SMG6: variants seen among roughly 807,000 people sequenced by gnomAD.
SMG6 encodes the protein SMG6 nonsense mediated mRNA decay factor, also known as telomerase-binding protein EST1A.
In SMG6, 66 loss-of-function variants were observed where a neutral mutation model predicts 142.2. The observed-to-expected ratio is 0.46, with a 90% CI of 0.38 to 0.57. The LOEUF (loss-of-function observed/expected upper bound fraction) is 0.57. SMG6 is among the 20% of genes least tolerant of loss of function. SMG6 has a pLI of 0.00. For synonymous variants in SMG6, 779 were observed against 702.4 expected, an observed-to-expected ratio of 1.11 and a Z score of -1.72; for missense variants, 1,793 against 1,832.0, an observed-to-expected ratio of 0.98 and a Z score of 0.39.
At chr17:2,196,331 A>G (rs1207869942) in intron 10 of SMG6, among the ~76,000 whole-genome samples, 1 of 152,152 alleles carries the variant, frequency 6.6e-6, no homozygotes, top group Non-Finnish European at 1.5e-5. Context: ...CTGAGGCAGG[A>G]GCAGGGGAAT....
intron 13 of SMG6, among the ~76,000 whole-genome samples, chr17:2,126,620 G>C (rs959987201): frequency 6.6e-6 from 1 of 150,912 alleles, no homozygotes; most frequent in East Asian, 2.0e-4. Flanking sequence ...GAAAGGCGGG[G>C]CACAAGAATC....
chr17:2,227,862 C>T (rs1185647284), intron 10 of SMG6, among the ~76,000 whole-genome samples: 2 of 152,012 alleles, frequency 1.3e-5, no homozygotes, highest in Non-Finnish European at 2.9e-5. Flanking sequence ...ACCGAAATGC[C>T]CATCAATGGA....
intron 13 of SMG6, among the ~76,000 whole-genome samples, chr17:2,098,096 C>T (rs1202394952): frequency 6.6e-6 from 1 of 152,112 alleles, no homozygotes; most frequent in East Asian, 1.9e-4. Context: ...TCAGGTGATC[C>T]TTCCGCCTCA....
chr17:2,154,506 A>G (rs1232321535), intron 13 of SMG6, among the ~76,000 whole-genome samples: 1 of 152,166 alleles, frequency 6.6e-6, no homozygotes. Flanking sequence ...GAGACAATAC[A>G]ACCTTCTTTA....
intron 6 of SMG6, among the ~76,000 whole-genome samples, chr17:2,290,737 A>C (rs776534174): frequency 6.6e-6 from 1 of 152,268 alleles, no homozygotes; most frequent in Non-Finnish European, 1.5e-5. Flanking sequence ...AAATATATAA[A>C]GAACTCTTAA....
chr17:2,236,728 C>G, intron 9 of SMG6, 91 bp from the exon 10 acceptor site: 1 of 1,358,888 alleles, frequency 7.4e-7, no homozygotes, highest in Non-Finnish European at 9.7e-7. Context: ...CACACACACA[C>G]ACACACACAC....
chr17:2,189,124 T>C lies in SMG6; in HGVS notation c.2870-609A>G, dbSNP rs1597558823. On this transcript the variant is annotated intron_variant, in intron 10 of 18. Coordinates refer to ENST00000263073, the MANE Select transcript of SMG6 (RefSeq NM_017575.5). ...TTTATGCAGAACAGTGCTTGGCACA[T>C]AATAAGCACTTAATCAGTGTTGGCT... is the stretch of plus-strand genomic sequence containing the variant. 3.3e-5 allele frequency among the ~76,000 whole-genome samples: 5 copies of C among 152,338 alleles called. No homozygotes were observed. The South Asian group carries it at 8.3e-4, about 25-fold the overall frequency.
intron 10 of SMG6, chr17:2,199,907 A>G (rs1041903871): frequency 6.6e-6 from 1 of 151,864 alleles, no homozygotes; most frequent in Non-Finnish European, 1.5e-5. Context: ...ATTCTGTCTC[A>G]AAAAACAAAG....
At chr17:2,136,026 G>C (rs1032206902) in intron 13 of SMG6, among the ~76,000 whole-genome samples, 1 of 149,824 alleles carries the variant, frequency 6.7e-6, no homozygotes, top group African/African-American at 2.5e-5. Context: ...GTGTGTGTGT[G>C]TGTGTGTGTG....
intron 10 of SMG6, among the ~76,000 whole-genome samples, chr17:2,235,303 G>C (rs1223591225): frequency 1.3e-5 from 2 of 152,182 alleles, no homozygotes; most frequent in Non-Finnish European, 2.9e-5. Context: ...GGCAGCATGA[G>C]AGGAGGAAAT....
chr17:2,169,799 T>C (rs2071448363), intron 13 of SMG6, among the ~76,000 whole-genome samples: 1 of 152,010 alleles, frequency 6.6e-6, no homozygotes, highest in South Asian at 2.1e-4. Context: ...TCAGAAGGTT[T>C]TGAACTAAGA....
intron 13 of SMG6, among the ~76,000 whole-genome samples, chr17:2,106,222 CTT>C (rs2069151449): frequency 6.6e-6 from 1 of 152,160 alleles, no homozygotes; most frequent in Non-Finnish European, 1.5e-5. Context: ...CACTTTTCTT[CTT>C]GTCTCTTTTC....
intron 13 of SMG6, among the ~76,000 whole-genome samples, chr17:2,128,842 A>C (rs2070000482): frequency 2.0e-5 from 3 of 150,600 alleles, no homozygotes; most frequent in South Asian, 4.2e-4. Flanking sequence ...AAAGAGAGAG[A>C]GAGAAAGAAA....
intron 9 of SMG6, among the ~76,000 whole-genome samples, chr17:2,241,503 A>AT (rs1400631685): frequency 6.6e-6 from 1 of 152,178 alleles, no homozygotes; most frequent in African/African-American, 2.4e-5. Flanking sequence ...GTTTTTCAAA[A>AT]TTAATTTTTC....
At chr17:2,202,179 C>T (rs2072548621) in intron 10 of SMG6, among the ~76,000 whole-genome samples, 1 of 152,172 alleles carries the variant, frequency 6.6e-6, no homozygotes, top group Non-Finnish European at 1.5e-5. Flanking sequence ...AAATATCCAT[C>T]AACAAGTGAA....
intron 8 of SMG6, among the ~76,000 whole-genome samples, chr17:2,257,673 G>A (rs565067731): frequency 5.7e-4 from 87 of 151,940 alleles, no homozygotes; most frequent in Non-Finnish European, 1.1e-3. Flanking sequence ...CTCCCAACTC[G>A]GGCCTTTGTA....
chr17:2,066,500 G>C (rs983324407), intron 16 of SMG6, among the ~76,000 whole-genome samples: 1 of 151,960 alleles, frequency 6.6e-6, no homozygotes, highest in Non-Finnish European at 1.5e-5. Context: ...TGTGCTCCTC[G>C]GGGGCTCTGG....
chr17:2,233,047 T>C (rs766708464), intron 10 of SMG6: 6 of 152,240 alleles, frequency 3.9e-5, no homozygotes, highest in East Asian at 1.9e-4. Flanking sequence ...AGAAAGAAGA[T>C]AGTTATACAA....
intron 13 of SMG6, among the ~76,000 whole-genome samples, chr17:2,154,993 C>T (rs1164394299): frequency 6.6e-6 from 1 of 151,918 alleles, no homozygotes; most frequent in Non-Finnish European, 1.5e-5. Flanking sequence ...CACTGCATTC[C>T]AGCACTGGCA....
Sources: gnomAD v4.1 joint callset for allele counts (sites outside exome capture counted in the v4.1 genomes callset) on GRCh38, gnomAD v4.1.1 for gene constraint, MANE v1.5 for transcripts, NCBI Gene and HGNC (gene_info 2026-07-23, HGNC 2026-07-21) for gene names.